The following CACNG5 variants were observed in gnomAD, a reference collection of about 807,000 sequenced individuals.
CACNG5 encodes voltage-dependent calcium channel gamma-5 subunit.
Under a neutral mutation model 24.8 loss-of-function variants are expected in CACNG5, and 18 were observed. That is an observed-to-expected ratio of 0.73 (90% CI 0.50 to 1.08). CACNG5 has a LOEUF of 1.08. CACNG5 is among the 50% of genes least tolerant of loss of function. The probability of loss-of-function intolerance (pLI) is 0.00; values close to 1 mark genes in which losing one functional copy is unlikely to be tolerated. For synonymous variants in CACNG5, 157 were observed against 149.1 expected (o/e 1.05, Z -0.39); for missense variants, 349 against 367.9 (o/e 0.95, Z 0.42).
intron 1 of CACNG5, among the ~76,000 whole-genome samples, chr17:66,869,793 A>C (rs1186587807): frequency 6.6e-6 from 1 of 152,146 alleles, no homozygotes; most frequent in Admixed American, 6.5e-5. Flanking sequence ...TTGAAACGTA[A>C]TGGTATAAGG....
In CACNG5 at chr17:66,842,064, G is replaced by A. The variant is rs1034898041; in HGVS notation, c.-104+6814G>A. On this transcript the variant is annotated intron_variant, in intron 1 of 5. Coordinates refer to ENST00000533854, the MANE Select transcript of CACNG5 (RefSeq NM_145811.3). ...CACTTTCCCAGTGAGGTTTAGGGGG[G>A]CTTCAACTCCCGGCTCTCTCCGGCC... Among the ~76,000 whole-genome samples, 8 of 149,226 alleles carry A rather than the reference G, an allele frequency of 5.4e-5. No homozygotes were observed. In the South Asian group the frequency reaches 1.3e-3, roughly 23 times the overall value.
intron 1 of CACNG5, among the ~76,000 whole-genome samples, chr17:66,854,382 C>T (rs1336646772): frequency 9.3e-5 from 14 of 150,338 alleles, no homozygotes; most frequent in East Asian, 7.8e-4. Context: ...GCCGAGATCG[C>T]GCCACTGCAC....
rs74823415 is a variant in CACNG5 at position 66,858,284 on chromosome 17, G to T, written c.-103-18946G>T. Among the ~76,000 whole-genome samples, 673 of 152,292 alleles carry T rather than the reference G, an allele frequency of 4.4e-3. 5 individuals carry two copies. Among genetic ancestry groups the T allele is most frequent in the African/African-American group, 0.015 (643 of 41,566 alleles). On this transcript the variant is annotated intron_variant, in intron 1 of 5. Coordinates refer to ENST00000533854, the MANE Select transcript of CACNG5 (RefSeq NM_145811.3). Reference sequence around the variant, plus strand: ...TTTCCACCCTGGGCTCAGCCAGCCTGGTGGTCAACCTTGCCTCCTTTCTGG... The same window carrying T: ...TTTCCACCCTGGGCTCAGCCAGCCTTGTGGTCAACCTTGCCTCCTTTCTGG...
chr17:66,839,632 C>A (rs1216342099), intron 1 of CACNG5, among the ~76,000 whole-genome samples: 2 of 146,432 alleles, frequency 1.4e-5, no homozygotes, highest in Admixed American at 6.9e-5. Flanking sequence ...GAAAGAGCTT[C>A]CAAGCAGCTG....
In CACNG5 at chr17:66,884,670, C is replaced by T. The variant is rs1014143014; in HGVS notation, c.570+9C>T. The stretch of plus-strand genomic sequence containing the variant: ...CCTTCCTTTTAACGGAGGTAAAGCC[C>T]GTCACCCTAAGTATGGATAGGCTGG... On this transcript the variant is annotated intron_variant, in intron 5 of 5. Coordinates refer to ENST00000533854, the MANE Select transcript of CACNG5 (RefSeq NM_145811.3). 7.4e-6 allele frequency: 12 copies of T among 1,614,086 alleles called. No homozygotes were observed. The highest frequency in any genetic ancestry group is 1.7e-5 in the Admixed American group (1 of 60,006).
chr17:66,856,525 C>T (rs1976777934), intron 1 of CACNG5, among the ~76,000 whole-genome samples: 1 of 145,818 alleles, frequency 6.9e-6, no homozygotes, highest in Admixed American at 7.2e-5. Flanking sequence ...TAACAAGGAT[C>T]CCTCGTGTTG....
chr17:66,841,643 G>A (rs539517805), intron 1 of CACNG5, among the ~76,000 whole-genome samples: 38 of 152,282 alleles, frequency 2.5e-4, no homozygotes, highest in African/African-American at 7.7e-4. Flanking sequence ...GCTGCCACAG[G>A]AGGAGCCCTG....
chr17:66,890,799 C>G lies in CACNG5; in HGVS notation c.*5559C>G, dbSNP rs1977332494. On this transcript the variant is annotated 3_prime_UTR_variant, in exon 6 of 6. Transcript: ENST00000533854. ...CCTCATCAGGCTCTATCCCCAGACT[C>G]TATACCCAACTCTAGAGGCTGTAAG... is the stretch of plus-strand genomic sequence containing the variant. 6.6e-6 allele frequency among the ~76,000 whole-genome samples: 1 copy of G among 152,206 alleles called. No individual in the cohort carries two copies. The highest frequency in any genetic ancestry group is 2.4e-5 in the African/African-American group (1 of 41,448).
intron 1 of CACNG5, among the ~76,000 whole-genome samples, chr17:66,844,500 A>G (rs2144499891): frequency 1.3e-5 from 2 of 152,312 alleles, no homozygotes; most frequent in South Asian, 4.1e-4. Flanking sequence ...GAGGTCCTCG[A>G]TATACTGATA....
chr17:66,861,750 G>A (rs1976862672), intron 1 of CACNG5, among the ~76,000 whole-genome samples: 1 of 152,214 alleles, frequency 6.6e-6, no homozygotes, highest in South Asian at 2.1e-4. Flanking sequence ...GTAGCCATGG[G>A]GGCAGTGAGC....
At chr17:66,870,211 T>C (rs956526298) in intron 1 of CACNG5, among the ~76,000 whole-genome samples, 1 of 152,244 alleles carries the variant, frequency 6.6e-6, no homozygotes, top group Admixed American at 6.5e-5. Flanking sequence ...ATGGAGTTTC[T>C]CATGCAGGTG....
intron 4 of CACNG5, among the ~76,000 whole-genome samples, 173 bp from the exon 5 acceptor site, chr17:66,884,343 C>T (rs1977213753): frequency 6.6e-6 from 1 of 152,132 alleles, no homozygotes; most frequent in East Asian, 1.9e-4. Context: ...AGGTGCTGGT[C>T]TGAACAGGGT....
rs889199059 is a variant in CACNG5, at chr17:66,894,697, G to C, written c.*9457G>C. Among the ~76,000 whole-genome samples the C allele has an allele frequency of 6.6e-6, 1 of 151,930 alleles. No homozygotes were observed. The highest frequency in any genetic ancestry group is 1.5e-5 in the Non-Finnish European group (1 of 67,982). ...TTTTGTTTCTATGTGCTCCTTAAAT[G>C]TATATTGTTTTCTGGCATGTGTATT... On this transcript the variant is annotated 3_prime_UTR_variant, in exon 6 of 6. Transcript: ENST00000533854.
intron 1 of CACNG5, among the ~76,000 whole-genome samples, chr17:66,853,639 T>C (rs1022967071): frequency 1.4e-4 from 22 of 152,214 alleles, no homozygotes; most frequent in African/African-American, 5.3e-4. Flanking sequence ...AAGCAAGCTA[T>C]GTCCCAGTAA....
Position 66,889,535 on chromosome 17 carries a change from T to G in CACNG5, c.*4295T>G, listed in dbSNP as rs996753785. Among the ~76,000 whole-genome samples, 7 of 152,198 alleles carry G rather than the reference T, an allele frequency of 4.6e-5. No individual in the cohort carries two copies. Among genetic ancestry groups the G allele is most frequent in the South Asian group, 4.2e-4 (2 of 4,812 alleles). On this transcript the variant is annotated 3_prime_UTR_variant, in exon 6 of 6. Coordinates refer to ENST00000533854, the MANE Select transcript of CACNG5 (RefSeq NM_145811.3). ...AAACAGAATCAACAGGATGAATATA[T>G]AGAGAGAGAAAGATTTATTTTAAGG...
At chr17:66,871,469 C>A (rs1390624466) in intron 1 of CACNG5, among the ~76,000 whole-genome samples, 1 of 152,174 alleles carries the variant, frequency 6.6e-6, no homozygotes, top group Non-Finnish European at 1.5e-5. Context: ...TCACTTGCTC[C>A]TCTAACCTCA....
chr17:66,886,817 C>G lies in CACNG5; in HGVS notation c.*1577C>G, dbSNP rs183656127. Among the ~76,000 whole-genome samples the G allele has an allele frequency of 6.6e-6, 1 of 152,252 alleles. No individual in the cohort carries two copies. Among genetic ancestry groups the G allele is most frequent in the African/African-American group, 2.4e-5 (1 of 41,546 alleles). On this transcript the variant is annotated 3_prime_UTR_variant, in exon 6 of 6. Transcript: ENST00000533854. ...TGAATTTTCCTACAGTTCTGGGTACCGGAGTCCAAGATCACGGTGTTGGCA... is the reference window on the plus strand; with the variant it reads ...TGAATTTTCCTACAGTTCTGGGTACGGGAGTCCAAGATCACGGTGTTGGCA...
rs1343811633 is a variant in CACNG5 at position 66,885,145 on chromosome 17, G to C, written c.733G>C (p.Asp245His). 2.5e-6 allele frequency: 4 copies of C among 1,613,706 alleles called. No individual in the cohort carries two copies. In the South Asian group the frequency reaches 4.4e-5, roughly 18 times the overall value. Residue 245 changes from aspartate to histidine, a missense_variant, in exon 6 of 6, where the codon GAC (aspartate) becomes CAC (histidine). Transcript: ENST00000533854. ...CTGGGTCAGGGGCCGCAGCCCCTCC[G>C]ACATCTCCAGCGAGGCCTCCCTGCA... ...DAWVRGRSPS[D>H]ISSEASLQMN...
intron 1 of CACNG5, among the ~76,000 whole-genome samples, chr17:66,860,512 A>G (rs1452296708): frequency 6.6e-6 from 1 of 152,226 alleles, no homozygotes; most frequent in Non-Finnish European, 1.5e-5. Flanking sequence ...GAAGAAAAAA[A>G]AAATATTGTC....
Sources: gnomAD v4.1 joint callset for allele counts (sites outside exome capture counted in the v4.1 genomes callset) on GRCh38, gnomAD v4.1.1 for gene constraint, MANE v1.5 for transcripts, NCBI Gene and HGNC (gene_info 2026-07-23, HGNC 2026-07-21) for gene names.